The following MXRA8 variants were observed in gnomAD, a reference collection of about 807,000 sequenced individuals.
MXRA8 encodes the protein matrix remodeling associated 8.
A neutral mutation model predicts 51.4 loss-of-function variants in MXRA8; 44 were observed. The observed-to-expected ratio is 0.86, with a 90% confidence interval of 0.67 to 1.10. The LOEUF is 1.10. Among genes scored for constraint, MXRA8 ranks in the 50% least tolerant of loss-of-function variants. The probability of loss-of-function intolerance (pLI) is 0.00; values close to 1 mark genes in which losing one functional copy is unlikely to be tolerated. For missense variants in MXRA8, 765 were observed against 638.9 expected (o/e 1.20, Z -2.13); for synonymous variants, 369 against 293.5 (o/e 1.26, Z -2.63).
chr1:1,363,385 G>A (rs569032042), upstream of MXRA8, among the ~76,000 whole-genome samples: 10 of 151,898 alleles, frequency 6.6e-5, no homozygotes, highest in South Asian at 1.0e-3. Flanking sequence ...GGCCTCAAGC[G>A]ATCCTCGGCC....
rs1569771465 is a variant in MXRA8 at position 1,352,941 on chromosome 1, T to G, written c.*663A>C. ...AAGGTGGCTGAGAGCAAGGCTAGGG[T>G]AGGGATGGGGCAGAGAAAGGGCAAG... On this transcript the variant is annotated 3_prime_UTR_variant, in exon 10 of 10. Coordinates refer to ENST00000309212, the MANE Select transcript of MXRA8 (RefSeq NM_032348.4). The G allele has an allele frequency of 1.3e-5, 5 of 385,824 alleles. No homozygotes were observed. Among genetic ancestry groups the G allele is most frequent in the Admixed American group, 4.6e-5 (1 of 21,928 alleles). The allele number at this position is 385,824 out of a possible 1,614,324, so 23.9% of individuals were successfully genotyped here. A position where few individuals can be genotyped will look rare whatever the true frequency, so the allele number is the denominator to read the frequency against.
At position 1,353,340 on chromosome 1, in the gene MXRA8, C is replaced by A; in HGVS notation, c.*264G>T. 6.5e-7 allele frequency: 1 copy of A among 1,548,682 alleles called. No individual in the cohort carries two copies. The highest frequency in any genetic ancestry group is 8.7e-7 in the Non-Finnish European group (1 of 1,146,198). ...GGCAGAGCCCAGAAGGGTCTGAGGG[C>A]ATGATGGGCATCAGTGGGATTTTGG... On this transcript the variant is annotated 3_prime_UTR_variant, in exon 10 of 10. Transcript: ENST00000309212.
upstream of MXRA8, chr1:1,358,839 CCGGGCCT>C: frequency 1.8e-6 from 2 of 1,101,050 alleles, no homozygotes; most frequent in Non-Finnish European, 2.2e-6. Flanking sequence ...TAGGAGCCTC[CCGGGCCT>C]GTGGTGAAGG....
upstream of MXRA8, among the ~76,000 whole-genome samples, chr1:1,360,754 G>A (rs956865298): frequency 3.9e-5 from 6 of 152,086 alleles, no homozygotes; most frequent in Admixed American, 1.3e-4. Flanking sequence ...CTGGTGACTC[G>A]GACATTCCAG....
chr1:1,358,319 C>T, intron 1 of MXRA8, 137 bp downstream of exon 1: 2 of 985,438 alleles, frequency 2.0e-6, no homozygotes, highest in Non-Finnish European at 2.9e-6. Context: ...CTCCCGAGCG[C>T]CCCCAGACCC....
rs1469550229 is a variant in MXRA8, at chr1:1,353,251, CCA to C, written c.*351_*352del. 8.0e-6 allele frequency: 12 copies of C among 1,505,362 alleles called. No homozygotes were observed. Among genetic ancestry groups the C allele is most frequent in the South Asian group, 2.4e-5 (2 of 83,116 alleles). 93.3% of individuals were successfully genotyped at this position (1,505,362 alleles called of 1,614,324 possible). On this transcript the variant is annotated 3_prime_UTR_variant, in exon 10 of 10. Coordinates refer to ENST00000309212, the MANE Select transcript of MXRA8 (RefSeq NM_032348.4). ...TGGGACTCCTGCCCTGAGGCTGACC[CCA>C]GTTTTGGGGCTGCCAGGTTCTGATG...
Position 1,356,342 on chromosome 1 carries a change from G to A in MXRA8, c.73+339C>T, listed in dbSNP as rs2100812846. On this transcript the variant is annotated intron_variant, in intron 2 of 9. Transcript: ENST00000309212. ...TGGTGGGCCCCGAGGGCCCTGGTGGGGAAGGGGACTCAGTAGGGGAGGGGC... is the reference window on the plus strand; with the variant it reads ...TGGTGGGCCCCGAGGGCCCTGGTGGAGAAGGGGACTCAGTAGGGGAGGGGC... 1.4e-5 allele frequency among the ~76,000 whole-genome samples: 2 copies of A among 144,410 alleles called. 1 individual carries two copies. The highest frequency in any genetic ancestry group is 4.6e-4 in the South Asian group (2 of 4,380). The allele number at this position is 144,410 out of a possible 152,430, so 94.7% of individuals were successfully genotyped here. A position where few individuals can be genotyped will look rare whatever the true frequency, so the allele number is the denominator to read the frequency against.
At chr1:1,354,552 G>A (rs1439563723) in intron 5 of MXRA8, 43 bp from the exon 6 acceptor site, 1 of 1,597,494 alleles carries the variant, frequency 6.3e-7, no homozygotes, top group Admixed American at 1.7e-5. Flanking sequence ...GTACCAGCAA[G>A]ACCTGCGCCC....
rs572362051 is a variant in MXRA8, at chr1:1,354,959, G to C, written c.672C>G (p.Asp224Glu). 1 of 1,600,086 alleles carries C rather than the reference G, an allele frequency of 6.2e-7. No homozygotes were observed. The highest frequency in any genetic ancestry group is 1.8e-4 in the Middle Eastern group (1 of 5,570). ...VPHDRADRLL[D>E]LYASGERRAY... ...CGCGGCGCTCGCCCGACGCGTAGAG[G>C]TCCAGCAGGCGGTCCGCGCGGTCGT... Residue 224 changes from aspartate (D) to glutamate (E), a missense_variant, in exon 5 of 10, where the codon GAC becomes GAG. Coordinates refer to ENST00000309212, the MANE Select transcript of MXRA8 (RefSeq NM_032348.4).
At chr1:1,360,057 G>A (rs1455235028), upstream of MXRA8, among the ~76,000 whole-genome samples, 1 of 152,142 alleles carries the variant, frequency 6.6e-6, no homozygotes, top group Non-Finnish European at 1.5e-5. Context: ...ACAGCAGTTT[G>A]GTGGGGGGAC....
chr1:1,353,546 CGAG>C lies in MXRA8; in HGVS notation c.*55_*57del. ...AGCCCCGGAGCATCAGGAGATGCCC[CGAG>C]GAGCACAGACAGGAGAGGTGCAGCT... is the stretch of plus-strand genomic sequence containing the variant. On this transcript the variant is annotated 3_prime_UTR_variant, in exon 10 of 10. Transcript: ENST00000309212. The C allele has an allele frequency of 6.5e-7, 1 of 1,541,012 alleles. No individual in the cohort carries two copies.
intron 2 of MXRA8, among the ~76,000 whole-genome samples, chr1:1,356,430 G>C (rs1410143999): frequency 8.6e-6 from 1 of 115,648 alleles, no homozygotes; most frequent in African/African-American, 3.3e-5. Context: ...GGAGGGGTGG[G>C]CCCCCGAGGG....
Position 1,352,878 on chromosome 1 carries a change from T to C in MXRA8, c.*726A>G, listed in dbSNP as rs1644031039. ...GCCCAGGCAGAGTCCAAGGGAGGGGTGTCAGGGTCAGAAGTCACAGGGAGC... is the reference window on the plus strand; with the variant it reads ...GCCCAGGCAGAGTCCAAGGGAGGGGCGTCAGGGTCAGAAGTCACAGGGAGC... On this transcript the variant is annotated 3_prime_UTR_variant, in exon 10 of 10. Transcript: ENST00000309212. 1.1e-5 allele frequency: 3 copies of C among 275,626 alleles called. No homozygotes were observed. The highest frequency in any genetic ancestry group is 2.1e-5 in the Non-Finnish European group (3 of 143,662). 17.1% of individuals were successfully genotyped at this position (275,626 alleles called of 1,614,324 possible).
upstream of MXRA8, among the ~76,000 whole-genome samples, chr1:1,362,788 A>T (rs80121521): frequency 0.029 from 1,045 of 36,368 alleles, 12 homozygotes; most frequent in African/African-American, 0.06. Context: ...CTCAAAAAAA[A>T]AAAAAAAAAA....
rs370804277 is a variant in MXRA8, at chr1:1,353,622, C to T, written c.1311G>A (p.Arg437=). ...GGCCTCCCTATTTGCAGTTCTCCTT[C>T]CGGAACCCTGGAAGCCAAGGGCGCC... ...AKYIDLDKGF[R]KENCK is the part of the protein sequence containing the mutation. The change falls in exon 10 of 10, where the codon CGG becomes CGA. Residue 437 remains arginine, a synonymous_variant. Transcript: ENST00000309212. The T allele has an allele frequency of 6.4e-6, 10 of 1,563,562 alleles. No individual in the cohort carries two copies. Among genetic ancestry groups the T allele is most frequent in the Non-Finnish European group, 6.1e-6 (7 of 1,153,206 alleles).
chr1:1,353,267 C>T lies in MXRA8; in HGVS notation c.*337G>A, dbSNP rs1392257370. The T allele has an allele frequency of 1.3e-6, 2 of 1,534,978 alleles. No individual in the cohort carries two copies. Among genetic ancestry groups the T allele is most frequent in the Middle Eastern group, 1.7e-4 (1 of 5,954 alleles). The stretch of plus-strand genomic sequence containing the variant: ...AGGCTGACCCCAGTTTTGGGGCTGC[C>T]AGGTTCTGATGGGAGTGTCCTCCAG... On this transcript the variant is annotated 3_prime_UTR_variant, in exon 10 of 10. Transcript: ENST00000309212.
At position 1,353,307 on chromosome 1, in the gene MXRA8, C is replaced by A; in HGVS notation, c.*297G>T. 1 of 1,549,702 alleles carries A rather than the reference C, an allele frequency of 6.5e-7. No individual in the cohort carries two copies. Among genetic ancestry groups the A allele is most frequent in the Admixed American group, 2.0e-5 (1 of 50,890 alleles). On this transcript the variant is annotated 3_prime_UTR_variant, in exon 10 of 10. Coordinates refer to ENST00000309212, the MANE Select transcript of MXRA8 (RefSeq NM_032348.4). ...GTGTCCTCCAGGAATGTCTTCAGGC[C>A]CCCAGCGGGCAGAGCCCAGAAGGGT...
upstream of MXRA8, among the ~76,000 whole-genome samples, chr1:1,359,966 ACT>A (rs916655880): frequency 9.2e-5 from 14 of 152,042 alleles, no homozygotes; most frequent in Admixed American, 3.9e-4. Flanking sequence ...TCCGTCGCAC[ACT>A]CTGGGGCCTT....
chr1:1,353,109 C>T lies in MXRA8; in HGVS notation c.*495G>A, dbSNP rs1463807899. 2.9e-6 allele frequency: 2 copies of T among 686,318 alleles called. No individual in the cohort carries two copies. The highest frequency in any genetic ancestry group is 5.2e-6 in the Non-Finnish European group (2 of 385,350). The allele number at this position is 686,318 out of a possible 1,614,324, so 42.5% of individuals were successfully genotyped here. ...GAGCTCTCGGTGGCAGGCAGCACCCCAGGAGGAGTGGGACTCCTGCCGAGG... is the reference window on the plus strand; with the variant it reads ...GAGCTCTCGGTGGCAGGCAGCACCCTAGGAGGAGTGGGACTCCTGCCGAGG... On this transcript the variant is annotated 3_prime_UTR_variant, in exon 10 of 10. Coordinates refer to ENST00000309212, the MANE Select transcript of MXRA8 (RefSeq NM_032348.4).
Sources: gnomAD v4.1 joint callset for allele counts (sites outside exome capture counted in the v4.1 genomes callset) on GRCh38, gnomAD v4.1.1 for gene constraint, MANE v1.5 for transcripts, NCBI Gene and HGNC (gene_info 2026-07-23, HGNC 2026-07-21) for gene names.